TRIM77: variants seen among roughly 807,000 people sequenced by gnomAD.
The protein encoded by TRIM77 is tripartite motif containing 77, also known as tripartite motif-containing protein 77.
Under a neutral mutation model 31.8 loss-of-function variants are expected in TRIM77, and 23 were observed. The ratio of observed to expected loss-of-function variants is 0.72; its 90% confidence interval spans 0.52 to 1.02. The LOEUF is 1.02. Ranked by LOEUF, TRIM77 falls within the 50% of genes least tolerant of loss-of-function variation. The probability of loss-of-function intolerance (pLI) is 0.00; values close to 1 mark genes in which losing one functional copy is unlikely to be tolerated. For missense variants in TRIM77, 446 were observed against 539.2 expected (o/e 0.83, Z 1.71); for synonymous variants, 159 against 183.1 (o/e 0.87, Z 1.06).
At chr11:89,713,762 A>G (rs1949141086) in intron 2 of TRIM77, among the ~76,000 whole-genome samples, 1 of 152,092 alleles carries the variant, frequency 6.6e-6, no homozygotes, top group Non-Finnish European at 1.5e-5. Flanking sequence ...AAACACTGGT[A>G]AAAGCACCGA....
Position 89,710,647 on chromosome 11 carries a change from C to T in TRIM77, c.349C>T (p.Gln117Ter). The change falls in exon 1 of 6, where the codon CAA becomes TAA. Residue 117 changes from glutamine (Q) to a stop codon, truncating the protein, a stop_gained. Coordinates refer to ENST00000398290, the MANE Select transcript of TRIM77 (RefSeq NM_001146162.1). LOFTEE classifies it high-confidence loss of function. ...GAGCCTGCTGTGTTTTCTATGCTCT[C>T]AATCCCCAAGGCATGCTACTCACAA... Reference protein sequence around the residue: ...DRSLLCFLCSQSPRHATHKHY... With the variant: ...DRSLLCFLCS 1 of 1,550,950 alleles carries T rather than the reference C, an allele frequency of 6.4e-7. No individual in the cohort carries two copies. The highest frequency in any genetic ancestry group is 8.7e-7 in the Non-Finnish European group (1 of 1,146,556).
rs944462972 is a variant in TRIM77 at position 89,710,668 on chromosome 11, C to T, written c.370C>T (p.His124Tyr). The change falls in exon 1 of 6, where the codon CAC becomes TAC. Residue 124 changes from histidine to tyrosine, a missense_variant. His to Tyr is a moderately conservative substitution (Grantham distance 83). This residue lies in a region of TRIM77 where 366 missense variants were observed against 447.9 expected (regional missense o/e 0.82). Transcript: ENST00000398290. ...CTCTCAATCCCCAAGGCATGCTACT[C>T]ACAAACACTATATGACAAGGGAGGC... is the stretch of plus-strand genomic sequence containing the variant. Reference protein sequence around the residue: ...LCSQSPRHATHKHYMTREADE... With the variant: ...LCSQSPRHATYKHYMTREADE... 1.9e-6 allele frequency: 3 copies of T among 1,550,076 alleles called. No individual in the cohort carries two copies. In the African/African-American group the frequency reaches 4.1e-5, roughly 21 times the overall value.
intron 3 of TRIM77, 142 bp downstream of exon 3, chr11:89,714,564 G>C: frequency 1.6e-6 from 1 of 638,998 alleles, no homozygotes; most frequent in Non-Finnish European, 2.7e-6. Context: ...ATGGTGGCAG[G>C]TTTCACTCCT....
At chr11:89,715,644 C>T (rs1157209446) in intron 4 of TRIM77, among the ~76,000 whole-genome samples, 4 of 152,218 alleles carry the variant, frequency 2.6e-5, no homozygotes, top group Non-Finnish European at 5.9e-5. Context: ...CATGGCTCAC[C>T]TAGGGAAGCT....
Position 89,711,393 on chromosome 11 carries a change from A to G in TRIM77, c.412-17A>G. On this transcript the variant is annotated splice_polypyrimidine_tract_variant and intron_variant, in intron 1 of 5. Coordinates refer to ENST00000398290, the MANE Select transcript of TRIM77 (RefSeq NM_001146162.1). Reference sequence around the variant, plus strand: ...ATTTTCTTTTCTAGTGCTCAGATTTATAGTTTTGTTTTTCAGAAGAAACTC... The same window carrying G: ...ATTTTCTTTTCTAGTGCTCAGATTTGTAGTTTTGTTTTTCAGAAGAAACTC... 7.8e-7 allele frequency: 1 copy of G among 1,282,578 alleles called. No individual in the cohort carries two copies. Among genetic ancestry groups the G allele is most frequent in the Non-Finnish European group, 1.1e-6 (1 of 928,102 alleles). The allele number at this position is 1,282,578 out of a possible 1,614,324, so 79.4% of individuals were successfully genotyped here.
chr11:89,713,336 G>A (rs1185513790), intron 2 of TRIM77, among the ~76,000 whole-genome samples: 1 of 146,928 alleles, frequency 6.8e-6, no homozygotes, highest in Non-Finnish European at 1.5e-5. Flanking sequence ...TGTGTCTGAA[G>A]TCGCAGCTAC....
rs1175060742 is a variant in TRIM77 at position 89,717,825 on chromosome 11, A to C, written c.1306A>C (p.Ile436Leu). 6.5e-7 allele frequency: 1 copy of C among 1,549,728 alleles called. No individual in the cohort carries two copies. The highest frequency in any genetic ancestry group is 8.7e-7 in the Non-Finnish European group (1 of 1,146,038). ...CCTCATTTGTAGTTTCCTCTCACGCATCTTCTATTTTCCTCTCAGACCTTT... is the reference window on the plus strand; with the variant it reads ...CCTCATTTGTAGTTTCCTCTCACGCCTCTTCTATTTTCCTCTCAGACCTTT... ...SSLICSFLSRIFYFPLRPFIC... is the reference protein window; with the variant it reads ...SSLICSFLSRLFYFPLRPFIC... The change falls in exon 6 of 6, where the codon ATC becomes CTC. Residue 436 changes from isoleucine to leucine, a missense_variant. Physicochemically the swap from Ile to Leu is conservative, Grantham distance 5. Around this residue, in one of 3 missense-constraint regions of TRIM77, gnomAD observed 366 missense variants for 447.9 expected, o/e 0.82. Coordinates refer to ENST00000398290, the MANE Select transcript of TRIM77 (RefSeq NM_001146162.1).
At chr11:89,714,106 C>A (rs1949143973) in intron 2 of TRIM77, 86 bp from the exon 3 acceptor site, 4 of 889,456 alleles carry the variant, frequency 4.5e-6, no homozygotes, top group Non-Finnish European at 6.8e-6. Context: ...TAGAATAGCA[C>A]AAAACATGAA....
At chr11:89,711,775 G>A (rs1241995998) in intron 2 of TRIM77, among the ~76,000 whole-genome samples, 6 of 152,118 alleles carry the variant, frequency 3.9e-5, no homozygotes, top group Non-Finnish European at 8.8e-5. Flanking sequence ...TGGCATGTAA[G>A]ATCACTAGAA....
At position 89,717,790 on chromosome 11, in the gene TRIM77, C is replaced by T. The variant is rs1282218644; in HGVS notation, c.1271C>T (p.Ala424Val). The change falls in exon 6 of 6, where the codon GCC becomes GTC. Residue 424 changes from alanine to valine, a missense_variant. By Grantham distance (64) the Ala-to-Val change is moderately conservative. Coordinates refer to ENST00000398290, the MANE Select transcript of TRIM77 (RefSeq NM_001146162.1). ...GGGATAGTGAGCTTTGTTAATGTTG[C>T]CCAAAGTTCCCTCATTTGTAGTTTC... ...ECGIVSFVNV[A>V]QSSLICSFLS... The T allele has an allele frequency of 1.3e-6, 2 of 1,550,944 alleles. No homozygotes were observed. The highest frequency in any genetic ancestry group is 1.7e-6 in the Non-Finnish European group (2 of 1,146,556).
At chr11:89,716,099 C>T in intron 5 of TRIM77, 112 bp downstream of exon 5, 1 of 555,432 alleles carries the variant, frequency 1.8e-6, no homozygotes, top group Non-Finnish European at 2.9e-6. Context: ...TTTCAGTGAA[C>T]AAGCAGGTAA....
chr11:89,717,129 C>T (rs1040628400), intron 5 of TRIM77, among the ~76,000 whole-genome samples: 4 of 152,016 alleles, frequency 2.6e-5, no homozygotes, highest in Admixed American at 6.6e-5. Flanking sequence ...AGTGGTATGC[C>T]GGACCCAGTT....
At chr11:89,716,520 G>A (rs1207654772) in intron 5 of TRIM77, among the ~76,000 whole-genome samples, 2 of 152,158 alleles carry the variant, frequency 1.3e-5, no homozygotes, top group South Asian at 4.1e-4. Context: ...TGTGTAGAGG[G>A]CTATGCAGAC....
In TRIM77 at chr11:89,716,843, G is replaced by C. The variant is rs186521899; in HGVS notation, c.860-536G>C. On this transcript the variant is annotated intron_variant, in intron 5 of 5. Coordinates refer to ENST00000398290, the MANE Select transcript of TRIM77 (RefSeq NM_001146162.1). ...ATTAATAATATTTTTATTATTTTTA[G>C]TATGTTTTTTTATTTTGCGAAAATT... Among the ~76,000 whole-genome samples, 643 of 135,328 alleles carry C rather than the reference G, an allele frequency of 4.8e-3. 4 individuals carry two copies. Among genetic ancestry groups the C allele is most frequent in the Non-Finnish European group, 4.4e-3 (255 of 57,714 alleles). The allele number at this position is 135,328 out of a possible 152,430, so 88.8% of individuals were successfully genotyped here. A position where few individuals can be genotyped will look rare whatever the true frequency, so the allele number is the denominator to read the frequency against.
chr11:89,710,834 T>C (rs554996074), intron 1 of TRIM77, 125 bp downstream of exon 1: 4 of 848,150 alleles, frequency 4.7e-6, no homozygotes, highest in South Asian at 2.1e-5. Flanking sequence ...CAGAATTGCT[T>C]ATGACCATAA....
chr11:89,716,598 C>G (rs1185023897), intron 5 of TRIM77, among the ~76,000 whole-genome samples: 1 of 152,124 alleles, frequency 6.6e-6, no homozygotes, highest in Non-Finnish European at 1.5e-5. Context: ...GAAGAGAATT[C>G]TGATTTAATG....
intron 2 of TRIM77, among the ~76,000 whole-genome samples, chr11:89,713,645 A>G (rs1263196194): frequency 2.0e-5 from 3 of 152,018 alleles, no homozygotes; most frequent in Non-Finnish European, 4.4e-5. Flanking sequence ...AGGGACAGAG[A>G]CAGGAAGACA....
intron 5 of TRIM77, among the ~76,000 whole-genome samples, chr11:89,716,968 G>T (rs1949165337): frequency 6.7e-6 from 1 of 149,094 alleles, no homozygotes; most frequent in Non-Finnish European, 1.5e-5. Flanking sequence ...AATTAAATCA[G>T]AGCTTGACAT....
chr11:89,715,202 A>G (rs1591485451), intron 4 of TRIM77, 22 bp downstream of exon 4: 3 of 1,550,134 alleles, frequency 1.9e-6, no homozygotes, highest in Non-Finnish European at 2.6e-6. Flanking sequence ...CCTCTATCCA[A>G]GTCCTGGTAA....
Sources: allele counts gnomAD v4.1 joint callset (sites outside exome capture counted in the v4.1 genomes callset), GRCh38; gene constraint gnomAD v4.1.1; regional missense constraint gnomAD v4.1.1; transcripts MANE v1.5; gene names NCBI Gene and HGNC (gene_info 2026-07-23, HGNC 2026-07-21).